The following ARID1B variants were observed in gnomAD, a reference collection of about 807,000 sequenced individuals.
The protein encoded by ARID1B is AT-rich interaction domain 1B.
A neutral mutation model predicts 212.3 loss-of-function variants in ARID1B; 30 were observed. The observed-to-expected ratio is 0.14, with a 90% CI of 0.11 to 0.19. ARID1B has a LOEUF of 0.19. Ranked by LOEUF, ARID1B falls within the 10% of genes least tolerant of loss-of-function variation. The pLI is 1.00. For synonymous variants in ARID1B, 1,402 were observed against 1,301.7 expected (o/e 1.08, Z -1.66); for missense variants, 2,891 against 3,204.0 (o/e 0.90, Z 2.36).
rs1007591061 is a variant in ARID1B, at chr6:157,200,422, G to A, written c.4480-283G>A. Among the ~76,000 whole-genome samples, 1 of 151,966 alleles carries A rather than the reference G, an allele frequency of 6.6e-6. No individual in the cohort carries two copies. Among genetic ancestry groups the A allele is most frequent in the Admixed American group, 6.5e-5 (1 of 15,270 alleles). ...CTGCCTGTGTGGGAGTTGAACGCTG[G>A]CTGTCCCGGTGGCACAGCCTAAGGA... On this transcript the variant is annotated intron_variant, in intron 17 of 19. Coordinates refer to ENST00000636930, the MANE Select transcript of ARID1B (RefSeq NM_001374828.1). The surrounding 1 kb of genome is among the most constrained non-coding windows in gnomAD (Gnocchi z 4.3).
At chr6:156,852,065 A>G (rs538592909) in intron 2 of ARID1B, among the ~76,000 whole-genome samples, 2 of 152,274 alleles carry the variant, frequency 1.3e-5, no homozygotes, top group Admixed American at 1.3e-4. Context: ...AAGAGCATAT[A>G]GGGACTTCGA....
intron 3 of ARID1B, among the ~76,000 whole-genome samples, chr6:156,934,912 TTATATATATATATATATATATATATATA>T (rs201495355): frequency 0.033 from 1,763 of 52,714 alleles, 98 homozygotes; most frequent in African/African-American, 0.1. Flanking sequence ...TAGTTGTTAA[TTATATATATATATATATATATATATATA>T]TATATATATA....
intron 4 of ARID1B, among the ~76,000 whole-genome samples, chr6:157,076,896 T>C (rs2128444629): frequency 6.6e-6 from 1 of 152,354 alleles, no homozygotes; most frequent in South Asian, 2.1e-4. Flanking sequence ...TTTTCCTTTC[T>C]AACTAAATAC....
rs147400313 is a variant in ARID1B at position 156,962,887 on chromosome 6, A to G, written c.2247+27311A>G. Among the ~76,000 whole-genome samples, 1,328 of 151,902 alleles carry G rather than the reference A, an allele frequency of 8.7e-3. 22 individuals carry two copies. The highest frequency in any genetic ancestry group is 0.031 in the African/African-American group (1,272 of 41,412). On this transcript the variant is annotated intron_variant, in intron 4 of 19. Transcript: ENST00000636930. ...AACCTCTGCCTCCTGGGTTCAAGCA[A>G]TTCACCTGCCTCAGCCTCCCAGTAG...
intron 4 of ARID1B, among the ~76,000 whole-genome samples, chr6:157,042,193 A>T (rs1781930676): frequency 6.6e-6 from 1 of 152,254 alleles, no homozygotes; most frequent in Non-Finnish European, 1.5e-5. Flanking sequence ...GCATAAAGCC[A>T]TGACAAAGAT....
intron 18 of ARID1B, among the ~76,000 whole-genome samples, chr6:157,202,560 T>A (rs923630508): frequency 2.6e-5 from 4 of 151,814 alleles, no homozygotes; most frequent in African/African-American, 7.3e-5. Context: ...TGAGATTCAT[T>A]TCTGTAGTCC....
intron 4 of ARID1B, chr6:156,942,619 G>GAA (rs901945300): frequency 2.2e-5 from 3 of 139,020 alleles, no homozygotes; most frequent in Non-Finnish European, 3.2e-5. Context: ...ATGCTAAAAA[G>GAA]AAAAAAAAAA....
chr6:157,064,426 C>T (rs1299037154), intron 4 of ARID1B, among the ~76,000 whole-genome samples: 1 of 152,186 alleles, frequency 6.6e-6, no homozygotes, highest in African/African-American at 2.4e-5. Context: ...AGGCTATGCT[C>T]AGTTTTTATG....
At chr6:156,945,683 A>C (rs1258773357) in intron 4 of ARID1B, among the ~76,000 whole-genome samples, 1 of 152,130 alleles carries the variant, frequency 6.6e-6, no homozygotes, top group Non-Finnish European at 1.5e-5. Flanking sequence ...GTAATATGAC[A>C]CTTCATTCAT....
intron 5 of ARID1B, among the ~76,000 whole-genome samples, chr6:157,099,906 G>T (rs550202067): frequency 7.9e-5 from 12 of 152,230 alleles, no homozygotes; most frequent in Admixed American, 2.0e-4. Flanking sequence ...TCCCTTCATG[G>T]CTCGGGAGTA....
At chr6:156,986,627 C>T (rs1281786921) in intron 4 of ARID1B, among the ~76,000 whole-genome samples, 2 of 152,170 alleles carry the variant, frequency 1.3e-5, no homozygotes, top group African/African-American at 2.4e-5. Flanking sequence ...TAGAGCATTG[C>T]CCGGCTCATA....
Position 156,882,300 on chromosome 6 carries a change from GCTT to G in ARID1B, c.1987-19072_1987-19070del, listed in dbSNP as rs549926918. On this transcript the variant is annotated intron_variant, in intron 2 of 19. Transcript: ENST00000636930. ...GTTGGCCAGCCTGCCTCTCTGCTGT[GCTT>G]CTTTGATGCCACTCAGAATCTCCCT... Among the ~76,000 whole-genome samples the G allele has an allele frequency of 5.3e-5, 8 of 152,260 alleles. No homozygotes were observed. In the South Asian group the frequency reaches 1.7e-3, roughly 32 times the overall value.
Position 157,206,357 on chromosome 6 carries a change from A to G in ARID1B, c.5585A>G (p.Asp1862Gly). The G allele has an allele frequency of 6.2e-7, 1 of 1,614,140 alleles. No individual in the cohort carries two copies. The highest frequency in any genetic ancestry group is 8.5e-7 in the Non-Finnish European group (1 of 1,180,040). ...GAGGAGGAAGATGCTGAATGTATTG[A>G]TGACGACGAGGAAGACGAGGAGGAT... ...GKEEEDAECI[D>G]DDEEDEEDEE... The change falls in exon 20 of 20, where the codon GAT (aspartate) becomes GGT (glycine). Residue 1862 changes from aspartate to glycine, a missense_variant. This residue lies in a region of ARID1B where 332 missense variants were observed against 369.2 expected (regional missense o/e 0.90). Coordinates refer to ENST00000636930, the MANE Select transcript of ARID1B (RefSeq NM_001374828.1). This position sits in a 1 kb window ranked among gnomAD's most constrained non-coding sequence, Gnocchi z 6.8.
intron 9 of ARID1B, 116 bp downstream of exon 9, chr6:157,167,301 G>T (rs1791403535): frequency 1.6e-6 from 2 of 1,274,950 alleles, no homozygotes; most frequent in Admixed American, 2.6e-5. Context: ...GCGAAAGTGG[G>T]AATCATACTA....
intron 19 of ARID1B, 71 bp downstream of exon 19, chr6:157,204,067 G>C: frequency 1.3e-6 from 2 of 1,583,816 alleles, no homozygotes; most frequent in South Asian, 1.1e-5. Flanking sequence ...ATTTGTGCTT[G>C]AACTAATGCC....
At position 157,019,622 on chromosome 6, in the gene ARID1B, G is replaced by A. The variant is rs116081504; in HGVS notation, c.2248-65040G>A. 5.5e-3 allele frequency among the ~76,000 whole-genome samples: 844 copies of A among 152,098 alleles called. 14 individuals carry two copies. The highest frequency in any genetic ancestry group is 0.02 in the African/African-American group (815 of 41,502). ...TTGCTTTCATTAAGGAAGGAGGGAA[G>A]AACTTGTCCATTAAATGTTGGTACT... On this transcript the variant is annotated intron_variant, in intron 4 of 19. Transcript: ENST00000636930.
intron 4 of ARID1B, among the ~76,000 whole-genome samples, chr6:156,963,573 T>C (rs1794544358): frequency 1.3e-5 from 2 of 152,218 alleles, no homozygotes; most frequent in Non-Finnish European, 2.9e-5. Context: ...GTTGCTTAAT[T>C]TAGTTGTCTT....
rs527775865 is a variant in ARID1B, at chr6:157,207,663, G to C, written c.6891G>C (p.Gln2297His). ...EDGVTMAQYQQSQHNLMHMQP... is the reference protein window; with the variant it reads ...EDGVTMAQYQHSQHNLMHMQP... ...GGGTCACGATGGCCCAGTACCAGCA[G>C]AGCCAGCACAACCTCATGCACATGC... Residue 2297 changes from glutamine (Q) to histidine (H), a missense_variant, in exon 20 of 20, where the codon CAG becomes CAC. Physicochemically the swap from Gln to His is conservative, Grantham distance 24. Transcript: ENST00000636930. This position sits in a 1 kb window ranked among gnomAD's most constrained non-coding sequence, Gnocchi z 8.5. The C allele has an allele frequency of 6.2e-7, 1 of 1,613,804 alleles. No individual in the cohort carries two copies. Among genetic ancestry groups the C allele is most frequent in the South Asian group, 1.1e-5 (1 of 91,084 alleles).
chr6:156,837,705 T>G (rs1783609276), intron 2 of ARID1B, among the ~76,000 whole-genome samples: 1 of 152,160 alleles, frequency 6.6e-6, no homozygotes, highest in Non-Finnish European at 1.5e-5. Context: ...TTAAGAAAAC[T>G]CTTAAGCTGA....
Sources: allele counts gnomAD v4.1 joint callset (sites outside exome capture counted in the v4.1 genomes callset), GRCh38; gene constraint gnomAD v4.1.1; regional missense constraint gnomAD v4.1.1; non-coding constraint Gnocchi (gnomAD v3.1); transcripts MANE v1.5; gene names NCBI Gene and HGNC (gene_info 2026-07-23, HGNC 2026-07-21).